STK32B: variants seen among roughly 807,000 people sequenced by gnomAD.
STK32B encodes the protein serine/threonine-protein kinase 32B.
A neutral mutation model predicts 52.6 loss-of-function variants in STK32B; 43 were observed. The ratio of observed to expected loss-of-function variants is 0.82; its 90% CI spans 0.64 to 1.05. The LOEUF (loss-of-function observed/expected upper bound fraction) is 1.05, where lower values mean the gene tolerates loss of function less well. Ranked by LOEUF, STK32B falls within the 50% of genes least tolerant of loss-of-function variation. The probability of loss-of-function intolerance (pLI) is 0.00; values close to 1 mark genes in which losing one functional copy is unlikely to be tolerated. For missense variants in STK32B, 621 were observed against 534.6 expected, an observed-to-expected ratio of 1.16 and a Z score of -1.59; for synonymous variants, 238 against 204.3, an observed-to-expected ratio of 1.17 and a Z score of -1.41.
the STK32B span, chr4:5,019,518 G>C: frequency 7.3e-7 from 1 of 1,370,536 alleles, no homozygotes; most frequent in Non-Finnish European, 9.4e-7. Context: ...GCGGCTCCAC[G>C]CCTCCACTTC....
intron 3 of STK32B, among the ~76,000 whole-genome samples, chr4:5,269,031 G>A (rs762309101): frequency 9.2e-5 from 14 of 152,082 alleles, no homozygotes; most frequent in Non-Finnish European, 1.3e-4. Flanking sequence ...GAAGAGCCCA[G>A]GGGTCTCTCT....
At chr4:5,203,025 A>G (rs1722277638) in intron 3 of STK32B, among the ~76,000 whole-genome samples, 1 of 152,184 alleles carries the variant, frequency 6.6e-6, no homozygotes, top group Non-Finnish European at 1.5e-5. Context: ...CAGATGGGAA[A>G]CCTGAAATGA....
chr4:5,119,747 A>C (rs773290769), intron 1 of STK32B, among the ~76,000 whole-genome samples: 7 of 152,256 alleles, frequency 4.6e-5, no homozygotes, highest in Non-Finnish European at 1.0e-4. Flanking sequence ...ATGAGGAAGG[A>C]CATCATATGT....
intron 3 of STK32B, among the ~76,000 whole-genome samples, chr4:5,185,613 A>G (rs1363455378): frequency 6.6e-6 from 1 of 152,180 alleles, no homozygotes; most frequent in African/African-American, 2.4e-5. Context: ...CTTATAAACA[A>G]TTGCTAGATG....
intron 4 of STK32B, among the ~76,000 whole-genome samples, chr4:5,350,909 A>C (rs1488857433): frequency 6.6e-6 from 1 of 152,128 alleles, no homozygotes; most frequent in Non-Finnish European, 1.5e-5. Flanking sequence ...ATATATAATG[A>C]TAAAGGGCTT....
intron 3 of STK32B, among the ~76,000 whole-genome samples, chr4:5,224,067 A>G (rs887865479): frequency 6.6e-6 from 1 of 152,196 alleles, no homozygotes; most frequent in African/African-American, 2.4e-5. Context: ...AATCTCACGC[A>G]TATCTGATTT....
the STK32B span, among the ~76,000 whole-genome samples, chr4:5,040,566 G>A: frequency 6.6e-6 from 1 of 151,998 alleles, no homozygotes; most frequent in East Asian, 1.9e-4. Context: ...GCTAATTTTT[G>A]TATTTTTAGT....
At chr4:5,219,410 C>T (rs575567509) in intron 3 of STK32B, among the ~76,000 whole-genome samples, 1 of 152,302 alleles carries the variant, frequency 6.6e-6, no homozygotes, top group African/African-American at 2.4e-5. Context: ...GTTGGAAGCC[C>T]AGAAAAAGAG....
intron 5 of STK32B, among the ~76,000 whole-genome samples, chr4:5,408,185 G>A (rs556079403): frequency 1.9e-3 from 285 of 152,210 alleles, no homozygotes; most frequent in Non-Finnish European, 2.7e-3. Context: ...AGCTAATAAG[G>A]TACTTAGGAC....
At chr4:5,351,107 G>A (rs1262669849) in intron 4 of STK32B, among the ~76,000 whole-genome samples, 1 of 151,802 alleles carries the variant, frequency 6.6e-6, no homozygotes, top group East Asian at 1.9e-4. Context: ...GAAACACACT[G>A]GTTTTATACT....
intron 5 of STK32B, among the ~76,000 whole-genome samples, chr4:5,407,638 A>G (rs1406373918): frequency 6.6e-6 from 1 of 151,960 alleles, no homozygotes; most frequent in Admixed American, 6.6e-5. Context: ...CCTCACATGG[A>G]TGGCAGGAGT....
chr4:5,335,992 G>A (rs980020235), intron 4 of STK32B, among the ~76,000 whole-genome samples: 9 of 151,374 alleles, frequency 5.9e-5, no homozygotes, highest in African/African-American at 1.9e-4. Flanking sequence ...GCAGAGCCAG[G>A]TGGTTGCCCC....
chr4:5,080,335 C>T (rs1712341394), intron 1 of STK32B, among the ~76,000 whole-genome samples: 2 of 152,196 alleles, frequency 1.3e-5, no homozygotes, highest in South Asian at 2.1e-4. Flanking sequence ...CTGCTGCTGT[C>T]ACATTTGCTT....
upstream of STK32B, among the ~76,000 whole-genome samples, chr4:5,048,939 G>A (rs867782081): frequency 4.6e-5 from 7 of 152,326 alleles, no homozygotes; most frequent in East Asian, 9.7e-4. Flanking sequence ...AGGGGTTGCC[G>A]GAGGTCCTAG....
chr4:5,123,864 AT>A (rs1274587414), intron 1 of STK32B, among the ~76,000 whole-genome samples: 21 of 3,416 alleles, frequency 6.1e-3, no homozygotes, highest in Non-Finnish European at 0.022. Context: ...CACCACCACC[AT>A]CATCAATCTC....
intron 3 of STK32B, among the ~76,000 whole-genome samples, chr4:5,256,208 G>A (rs558412372): frequency 6.6e-6 from 1 of 152,170 alleles, no homozygotes; most frequent in Admixed American, 6.5e-5. Context: ...AGTGGCCTCT[G>A]ATCACCACAT....
chr4:5,333,072 C>G (rs9683513), intron 4 of STK32B, among the ~76,000 whole-genome samples: 11,081 of 152,114 alleles, frequency 0.073, 836 homozygotes, highest in Admixed American at 0.17. Flanking sequence ...AATCGCCACA[C>G]TGACTTCCAC....
the STK32B span, among the ~76,000 whole-genome samples, chr4:5,022,100 C>T: frequency 6.6e-6 from 1 of 152,186 alleles, no homozygotes; most frequent in African/African-American, 2.4e-5. Context: ...TGCCAGTGTG[C>T]ATCCGGGAAT....
chr4:5,205,693 GGC>G (rs141563923), intron 3 of STK32B, among the ~76,000 whole-genome samples: 17 of 68,244 alleles, frequency 2.5e-4, no homozygotes, highest in East Asian at 5.8e-4. Flanking sequence ...TTCTAGACCA[GGC>G]GCGCGCGCGT....
Sources: gnomAD v4.1 joint callset for allele counts (sites outside exome capture counted in the v4.1 genomes callset) on GRCh38, gnomAD v4.1.1 for gene constraint, MANE v1.5 for transcripts, NCBI Gene and HGNC (gene_info 2026-07-23, HGNC 2026-07-21) for gene names.